Variants in PARVA observed in about 807,000 individuals in gnomAD.
PARVA encodes parvin alpha.
A neutral mutation model predicts 52.6 loss-of-function variants in PARVA; 25 were observed. The ratio of observed to expected loss-of-function variants is 0.48; its 90% CI spans 0.35 to 0.66. The LOEUF is 0.66. Among genes scored for constraint, PARVA ranks in the 30% least tolerant of loss-of-function variants. The pLI, the probability that PARVA is intolerant of heterozygous loss-of-function variation, is 0.01. For synonymous variants in PARVA, 185 were observed against 179.1 expected (o/e 1.03, Z -0.26); for missense variants, 373 against 450.9 (o/e 0.83, Z 1.56).
intron 1 of PARVA, among the ~76,000 whole-genome samples, chr11:12,401,408 A>AT (rs1448878069): frequency 6.6e-6 from 1 of 152,200 alleles, no homozygotes; most frequent in African/African-American, 2.4e-5. Context: ...CAAAGGTGGG[A>AT]TTTAATATGC....
At chr11:12,497,211 C>T (rs1051386933) in intron 5 of PARVA, among the ~76,000 whole-genome samples, 10 of 152,074 alleles carry the variant, frequency 6.6e-5, no homozygotes, top group South Asian at 4.2e-4. Context: ...TCCAAAGGCC[C>T]GGTGTCTAAT....
intron 1 of PARVA, among the ~76,000 whole-genome samples, chr11:12,417,889 G>A (rs1940089491): frequency 1.3e-5 from 2 of 152,182 alleles, no homozygotes; most frequent in Non-Finnish European, 1.5e-5. Flanking sequence ...CCAGGGGCGA[G>A]GCATCTCTGG....
chr11:12,468,481 G>A (rs1007658885), intron 1 of PARVA, among the ~76,000 whole-genome samples: 1 of 152,082 alleles, frequency 6.6e-6, no homozygotes, highest in East Asian at 1.9e-4. Flanking sequence ...CAAAAATCAG[G>A]GGGAAATTAC....
intron 6 of PARVA, among the ~76,000 whole-genome samples, chr11:12,508,206 C>T (rs1941460969): frequency 6.7e-6 from 1 of 150,346 alleles, no homozygotes. Flanking sequence ...AAATGTGTTT[C>T]TCAGCTTCCC....
chr11:12,462,500 C>G (rs1940796585), intron 1 of PARVA, among the ~76,000 whole-genome samples: 1 of 152,152 alleles, frequency 6.6e-6, no homozygotes, highest in Non-Finnish European at 1.5e-5. Flanking sequence ...CCCGCTAAGC[C>G]AGTAGAAAGG....
intron 1 of PARVA, among the ~76,000 whole-genome samples, chr11:12,437,567 A>T (rs2135000281): frequency 6.6e-6 from 1 of 152,328 alleles, no homozygotes; most frequent in East Asian, 1.9e-4. Flanking sequence ...TGCACATCTT[A>T]GGTGCTCAGT....
At chr11:12,451,412 T>C (rs1940622431) in intron 1 of PARVA, among the ~76,000 whole-genome samples, 1 of 151,980 alleles carries the variant, frequency 6.6e-6, no homozygotes, top group Non-Finnish European at 1.5e-5. Context: ...CCCTACCTAA[T>C]GAAATTTGAT....
intron 8 of PARVA, among the ~76,000 whole-genome samples, chr11:12,512,854 CCTCTT>C (rs1351570101): frequency 1.6e-4 from 24 of 152,168 alleles, no homozygotes; most frequent in African/African-American, 5.8e-4. Context: ...GGCTCCCAGC[CCTCTT>C]CTCTGTGCCC....
chr11:12,438,221 C>T (rs1334708385), intron 1 of PARVA, among the ~76,000 whole-genome samples: 1 of 149,722 alleles, frequency 6.7e-6, no homozygotes, highest in African/African-American at 2.5e-5. Context: ...GATCGCGCCA[C>T]TACACCCCAG....
chr11:12,458,724 C>T (rs1476836550), intron 1 of PARVA, among the ~76,000 whole-genome samples: 1 of 152,162 alleles, frequency 6.6e-6, no homozygotes, highest in African/African-American at 2.4e-5. Context: ...TCTCACACCT[C>T]CCCTTTTCTG....
intron 1 of PARVA, among the ~76,000 whole-genome samples, chr11:12,406,646 A>G (rs1313407749): frequency 9.0e-6 from 1 of 110,676 alleles, no homozygotes; most frequent in African/African-American, 3.4e-5. Flanking sequence ...ATTGTTAGCT[A>G]TTTAGGTTGT....
intron 1 of PARVA, among the ~76,000 whole-genome samples, chr11:12,435,224 C>T (rs1458970130): frequency 6.6e-6 from 1 of 152,208 alleles, no homozygotes; most frequent in Non-Finnish European, 1.5e-5. Context: ...TTGCTCAAGG[C>T]TCCCCCCTCT....
At position 12,401,891 on chromosome 11, in the gene PARVA, A is replaced by G. The variant is rs1331058787; in HGVS notation, c.136+24108A>G. 2.0e-5 allele frequency among the ~76,000 whole-genome samples: 3 copies of G among 152,242 alleles called. No individual in the cohort carries two copies. In the East Asian group the frequency reaches 5.8e-4, roughly 29 times the overall value. On this transcript the variant is annotated intron_variant, in intron 1 of 12. Coordinates refer to ENST00000334956, the MANE Select transcript of PARVA (RefSeq NM_018222.5). ...CATGGGAGTGTGATTGCTTGTGTCAAATCTAGACTTTGCCACTTAATTACC... is the reference window on the plus strand; with the variant it reads ...CATGGGAGTGTGATTGCTTGTGTCAGATCTAGACTTTGCCACTTAATTACC...
Position 12,377,579 on chromosome 11 carries a change from C to G in PARVA, c.-69C>G. The G allele has an allele frequency of 1.3e-6, 2 of 1,498,818 alleles. No homozygotes were observed. The highest frequency in any genetic ancestry group is 1.8e-6 in the Non-Finnish European group (2 of 1,125,288). 92.8% of individuals were successfully genotyped at this position (1,498,818 alleles called of 1,614,324 possible). On this transcript the variant is annotated 5_prime_UTR_variant, in exon 1 of 13. Transcript: ENST00000334956. ...TGGAAAGCCGCAGCCTCAGTCCCGC[C>G]GCCGCCCGCTGCGTCCGCCCAGCGC...
chr11:12,518,438 T>C lies in PARVA; in HGVS notation c.970-7T>C, dbSNP rs1472937025. On this transcript the variant is annotated splice_region_variant and splice_polypyrimidine_tract_variant and intron_variant, in intron 11 of 12. Coordinates refer to ENST00000334956, the MANE Select transcript of PARVA (RefSeq NM_018222.5). Reference sequence around the variant, plus strand: ...ATGGTACATGCTGTCTGCATCTCTCTTGCCAGGTCTTGAATGTCTCCTTTG... The same window carrying C: ...ATGGTACATGCTGTCTGCATCTCTCCTGCCAGGTCTTGAATGTCTCCTTTG... 1 of 1,612,388 alleles carries C rather than the reference T, an allele frequency of 6.2e-7. No individual in the cohort carries two copies. The highest frequency in any genetic ancestry group is 1.3e-5 in the African/African-American group (1 of 74,908).
chr11:12,427,666 T>G (rs548241582), intron 1 of PARVA, among the ~76,000 whole-genome samples: 283 of 152,342 alleles, frequency 1.9e-3, no homozygotes, highest in Non-Finnish European at 1.7e-3. Flanking sequence ...ATCTTGAAAC[T>G]TTTGTCTTAT....
At chr11:12,461,437 C>G (rs1329242661) in intron 1 of PARVA, among the ~76,000 whole-genome samples, 1 of 152,148 alleles carries the variant, frequency 6.6e-6, no homozygotes, top group African/African-American at 2.4e-5. Flanking sequence ...GACTTTTAAA[C>G]CAAGGAAATG....
chr11:12,523,566 A>C (rs1337340480), intron 12 of PARVA, among the ~76,000 whole-genome samples: 1 of 152,176 alleles, frequency 6.6e-6, no homozygotes, highest in Non-Finnish European at 1.5e-5. Flanking sequence ...TTAGAGATTC[A>C]TGAACTCATT....
intron 1 of PARVA, among the ~76,000 whole-genome samples, chr11:12,384,499 TTGAG>T (rs1433288922): frequency 6.6e-6 from 1 of 152,108 alleles, no homozygotes; most frequent in Non-Finnish European, 1.5e-5. Context: ...TGTATTTTGT[TTGAG>T]TGGTAGTAAG....
Sources: gnomAD v4.1 joint callset for allele counts (sites outside exome capture counted in the v4.1 genomes callset) on GRCh38, gnomAD v4.1.1 for gene constraint, MANE v1.5 for transcripts, NCBI Gene and HGNC (gene_info 2026-07-23, HGNC 2026-07-21) for gene names.